AFG2A: variants seen among roughly 807,000 people sequenced by gnomAD.
The protein encoded by AFG2A is ATPase family gene 2 protein homolog A.
At chr4:122,967,471 A>G in the AFG2A span, among the ~76,000 whole-genome samples, 1 of 152,076 alleles carries the variant, frequency 6.6e-6, no homozygotes, top group Non-Finnish European at 1.5e-5. Flanking sequence ...TTTCTTCTTT[A>G]GTCACCCTGC....
At chr4:122,981,461 A>G in the AFG2A span, among the ~76,000 whole-genome samples, 1 of 82,376 alleles carries the variant, frequency 1.2e-5, no homozygotes, top group Non-Finnish European at 2.4e-5. Flanking sequence ...TGATGCCTAC[A>G]GCTTTTTTTT....
the AFG2A span, among the ~76,000 whole-genome samples, chr4:123,067,184 G>T: frequency 6.6e-6 from 1 of 151,842 alleles, no homozygotes; most frequent in Non-Finnish European, 1.5e-5. Context: ...TCTTTTTTGG[G>T]GTTTCTTACA....
chr4:123,075,259 T>G, the AFG2A span, among the ~76,000 whole-genome samples: 1 of 152,124 alleles, frequency 6.6e-6, no homozygotes, highest in Non-Finnish European at 1.5e-5. Context: ...TATCACTTTA[T>G]AATCATTATT....
the AFG2A span, among the ~76,000 whole-genome samples, chr4:122,940,242 C>T: frequency 1.0e-3 from 152 of 151,962 alleles, 1 homozygote; most frequent in Non-Finnish European, 1.9e-3. Context: ...GTTTACAGTC[C>T]CACCAACAGT....
chr4:122,981,201 T>G, the AFG2A span, among the ~76,000 whole-genome samples: 3 of 152,190 alleles, frequency 2.0e-5, no homozygotes, highest in Non-Finnish European at 4.4e-5. Flanking sequence ...CTGGCCAGTT[T>G]CATGTGTGGA....
At chr4:123,252,480 G>A in the AFG2A span, among the ~76,000 whole-genome samples, 30,682 of 100,156 alleles carry the variant, frequency 0.31, 3,669 homozygotes, top group African/African-American at 0.35. Context: ...GACTTCTTAC[G>A]TGATTTTTTC....
the AFG2A span, among the ~76,000 whole-genome samples, chr4:122,939,242 C>G: frequency 6.6e-6 from 1 of 151,964 alleles, no homozygotes; most frequent in South Asian, 2.1e-4. Flanking sequence ...TGTACCACCA[C>G]GCCTGGCTGA....
the AFG2A span, among the ~76,000 whole-genome samples, chr4:122,950,090 TG>T: frequency 6.6e-6 from 1 of 152,196 alleles, no homozygotes; most frequent in Non-Finnish European, 1.5e-5. Context: ...ATCACATCCT[TG>T]TGTTAGAAGA....
the AFG2A span, among the ~76,000 whole-genome samples, chr4:123,290,133 T>C: frequency 0.011 from 1,661 of 152,324 alleles, 10 homozygotes; most frequent in African/African-American, 0.013. Context: ...CAATATTTTC[T>C]CTCATTCTTC....
the AFG2A span, among the ~76,000 whole-genome samples, chr4:122,948,021 A>G: frequency 6.6e-6 from 1 of 152,116 alleles, no homozygotes; most frequent in Non-Finnish European, 1.5e-5. Context: ...TATAATGCAT[A>G]TAAAAAATAT....
the AFG2A span, among the ~76,000 whole-genome samples, chr4:123,017,414 ATTTTTTTTTTTTTTTTTTTTT>A: frequency 9.4e-5 from 7 of 74,718 alleles, no homozygotes; most frequent in East Asian, 1.3e-3. Context: ...AGCATGGGAA[ATTTTTTTTTTTTTTTTTTTTT>A]TTTTTTTTTT....
At chr4:123,082,755 A>G in the AFG2A span, among the ~76,000 whole-genome samples, 26 of 152,040 alleles carry the variant, frequency 1.7e-4, no homozygotes, top group Admixed American at 1.7e-3. Context: ...GATCAAGTTG[A>G]AAAGAATTGA....
chr4:123,291,274 G>C, the AFG2A span, among the ~76,000 whole-genome samples: 1 of 151,992 alleles, frequency 6.6e-6, no homozygotes, highest in Non-Finnish European at 1.5e-5. Flanking sequence ...CCACCAGTCA[G>C]TATCTTTTAA....
the AFG2A span, among the ~76,000 whole-genome samples, chr4:123,243,986 C>T: frequency 6.6e-6 from 1 of 152,074 alleles, no homozygotes; most frequent in Non-Finnish European, 1.5e-5. Context: ...CGCGCTACTG[C>T]AGTCCAGCAT....
chr4:123,296,250 G>A, the AFG2A span, among the ~76,000 whole-genome samples: 23 of 152,202 alleles, frequency 1.5e-4, no homozygotes, highest in African/African-American at 5.1e-4. Context: ...AATACAGGAG[G>A]CAGGAGATGT....
At chr4:123,042,977 C>G in the AFG2A span, among the ~76,000 whole-genome samples, 47 of 152,228 alleles carry the variant, frequency 3.1e-4, no homozygotes, top group Non-Finnish European at 5.6e-4. Flanking sequence ...TTCTAACCCT[C>G]TTCATTTCTT....
At chr4:123,076,045 C>T in the AFG2A span, among the ~76,000 whole-genome samples, 1 of 151,702 alleles carries the variant, frequency 6.6e-6, no homozygotes, top group African/African-American at 2.4e-5. Context: ...ATAATCTCAG[C>T]ACTTTGGGAG....
At chr4:123,258,981 C>T in the AFG2A span, among the ~76,000 whole-genome samples, 1 of 151,768 alleles carries the variant, frequency 6.6e-6, no homozygotes, top group African/African-American at 2.4e-5. Flanking sequence ...ATTCTCCTGC[C>T]TCAGCCTCCC....
the AFG2A span, among the ~76,000 whole-genome samples, chr4:123,291,253 CTT>C: frequency 2.0e-5 from 3 of 152,088 alleles, no homozygotes; most frequent in Admixed American, 2.0e-4. Context: ...GCTTGTGTTT[CTT>C]TATCCATTCC....
Sources: gnomAD v4.1 joint callset for allele counts (sites outside exome capture counted in the v4.1 genomes callset) on GRCh38, gnomAD v4.1.1 for gene constraint, MANE v1.5 for transcripts, NCBI Gene and HGNC (gene_info 2026-07-23, HGNC 2026-07-21) for gene names.